Variants in TARS3 observed in about 807,000 individuals in gnomAD.
TARS3 encodes threonyl-tRNA synthetase 3, also known as threonine--tRNA ligase 2, cytoplasmic.
In TARS3, 94 loss-of-function variants were observed where a neutral mutation model predicts 103.5. The observed-to-expected ratio is 0.91, with a 90% confidence interval of 0.77 to 1.08. The LOEUF is 1.08. TARS3 is among the 50% of genes least tolerant of loss of function. TARS3 has a pLI of 0.00. For missense variants in TARS3, 952 were observed against 995.2 expected (o/e 0.96, Z 0.58); for synonymous variants, 416 against 355.4 (o/e 1.17, Z -1.92).
In TARS3 at chr15:101,702,319, A is replaced by G. The variant is rs773999175; in HGVS notation, c.1141T>C (p.Phe381Leu). Reference sequence around the variant, plus strand: ...TCTCTCATCATCTTGTTATCAGGAAAGGATATTCCATAGATCCTCTGCAAT... The same window carrying G: ...TCTCTCATCATCTTGTTATCAGGAAGGGATATTCCATAGATCCTCTGCAAT... The part of the protein sequence containing the change: ...ETLQRIYGIS[F>L]PDNKMMRDWE... Residue 381 changes from phenylalanine to leucine, a missense_variant, in exon 9 of 19, where the codon TTT (phenylalanine) becomes CTT (leucine). By Grantham distance (22) the Phe-to-Leu change is conservative (BLOSUM62 0). Transcript: ENST00000335968. 1 of 1,614,090 alleles carries G rather than the reference A, an allele frequency of 6.2e-7. No individual in the cohort carries two copies. Among genetic ancestry groups the G allele is most frequent in the East Asian group, 2.2e-5 (1 of 44,878 alleles).
chr15:101,702,056 G>C (rs1596316995), intron 9 of TARS3, among the ~76,000 whole-genome samples, 183 bp downstream of exon 9: 1 of 152,220 alleles, frequency 6.6e-6, no homozygotes, highest in South Asian at 2.1e-4. Flanking sequence ...ATACAGGAAG[G>C]AAAGAGGTTA....
rs528589107 is a variant in TARS3 at position 101,671,240 on chromosome 15, C to T, written c.1967+246G>A. 5.8e-4 allele frequency among the ~76,000 whole-genome samples: 89 copies of T among 152,230 alleles called. 1 individual carries two copies. Among genetic ancestry groups the T allele is most frequent in the Non-Finnish European group, 8.8e-5 (6 of 68,020 alleles). On this transcript the variant is annotated intron_variant, in intron 15 of 18. Coordinates refer to ENST00000335968, the MANE Select transcript of TARS3 (RefSeq NM_152334.3). ...CTGTAACTCAGGGAGAGTCAGCAGCCTGGATCATATTTTCATGGAACTTTG... is the reference window on the plus strand; with the variant it reads ...CTGTAACTCAGGGAGAGTCAGCAGCTTGGATCATATTTTCATGGAACTTTG...
chr15:101,657,681 G>A, intron 17 of TARS3, 104 bp downstream of exon 17: 1 of 681,896 alleles, frequency 1.5e-6, no homozygotes, highest in Non-Finnish European at 2.4e-6. Context: ...TTAAGCTAAT[G>A]TGTCAGTTCT....
intron 5 of TARS3, among the ~76,000 whole-genome samples, chr15:101,709,234 T>C (rs1899733571): frequency 6.6e-6 from 1 of 152,232 alleles, no homozygotes; most frequent in South Asian, 2.1e-4. Context: ...GCTTTAGTTT[T>C]GCTCAAGAGC....
chr15:101,701,729 T>C (rs1249113989), intron 9 of TARS3, among the ~76,000 whole-genome samples: 1 of 152,206 alleles, frequency 6.6e-6, no homozygotes, highest in Non-Finnish European at 1.5e-5. Context: ...CACGCTGCTC[T>C]GTCTCCCAGA....
chr15:101,705,986 CAG>C (rs376375814), intron 6 of TARS3, among the ~76,000 whole-genome samples: 2 of 152,198 alleles, frequency 1.3e-5, no homozygotes, highest in Non-Finnish European at 2.9e-5. Context: ...GTTTTTGAGA[CAG>C]AGTCTCACTC....
intron 15 of TARS3, among the ~76,000 whole-genome samples, chr15:101,662,585 G>A (rs1260912357): frequency 6.6e-6 from 1 of 152,168 alleles, no homozygotes; most frequent in Non-Finnish European, 1.5e-5. Flanking sequence ...TTTCTGCTAA[G>A]AGCCATTATA....
Position 101,717,679 on chromosome 15 carries a change from G to A in TARS3, c.567-2716C>T, listed in dbSNP as rs114157854. On this transcript the variant is annotated intron_variant, in intron 3 of 18. Transcript: ENST00000335968. ...ATTCTTTCTGGACCATGTAGACAAC[G>A]GCAACATTGTACCAGACAAATCAGC... 5.4e-3 allele frequency among the ~76,000 whole-genome samples: 821 copies of A among 152,268 alleles called. 11 individuals are homozygous for A. The highest frequency in any genetic ancestry group is 0.019 in the African/African-American group (782 of 41,542).
At chr15:101,695,014 G>A (rs1298861489) in intron 10 of TARS3, among the ~76,000 whole-genome samples, 3 of 152,160 alleles carry the variant, frequency 2.0e-5, no homozygotes, top group African/African-American at 7.2e-5. Flanking sequence ...CATGACAGTT[G>A]CATAATAACA....
intron 12 of TARS3, among the ~76,000 whole-genome samples, chr15:101,677,384 T>C (rs1898071186): frequency 6.6e-6 from 1 of 152,168 alleles, no homozygotes; most frequent in Non-Finnish European, 1.5e-5. Flanking sequence ...ACACTGGAGC[T>C]CCTGGTTCTC....
intron 5 of TARS3, among the ~76,000 whole-genome samples, chr15:101,711,327 CTAAAAA>C (rs1181170800): frequency 1.3e-5 from 2 of 152,158 alleles, no homozygotes; most frequent in African/African-American, 2.4e-5. Context: ...CATTTCTAAA[CTAAAAA>C]TAATTTTCAA....
intron 7 of TARS3, 107 bp downstream of exon 7, chr15:101,705,576 C>T (rs1899514291): frequency 7.0e-6 from 6 of 856,032 alleles, no homozygotes; most frequent in Non-Finnish European, 1.1e-5. Flanking sequence ...AGATTATCAA[C>T]TACACAACTT....
rs760690368 is a variant in TARS3, at chr15:101,721,370, T to G, written c.370-48A>C. The G allele has an allele frequency of 3.6e-5, 53 of 1,462,412 alleles. 1 individual carries two copies. The highest frequency in any genetic ancestry group is 4.9e-5 in the Non-Finnish European group (52 of 1,058,164). The allele number at this position is 1,462,412 out of a possible 1,614,324, so 90.6% of individuals were successfully genotyped here. A position where few individuals can be genotyped will look rare whatever the true frequency, so the allele number is the denominator to read the frequency against. On this transcript the variant is annotated intron_variant, in intron 2 of 18. Coordinates refer to ENST00000335968, the MANE Select transcript of TARS3 (RefSeq NM_152334.3). The stretch of plus-strand genomic sequence containing the variant: ...GAGATTAATATATACAGCCTACTGT[T>G]TTCCAGCTGCTCAGCTCTGAATCAG...
intron 2 of TARS3, among the ~76,000 whole-genome samples, chr15:101,722,508 TA>T (rs2141462970): frequency 7.8e-6 from 1 of 127,622 alleles, no homozygotes; most frequent in South Asian, 2.6e-4. Context: ...GTTTCTCGAA[TA>T]CAAAAAAAAA....
At chr15:101,698,388 A>C (rs1317640859) in intron 10 of TARS3, among the ~76,000 whole-genome samples, 1 of 151,994 alleles carries the variant, frequency 6.6e-6, no homozygotes, top group African/African-American at 2.4e-5. Flanking sequence ...TTTAAAAAAG[A>C]AAGCTACCCT....
chr15:101,654,334 C>A lies in TARS3; in HGVS notation c.*248G>T. The A allele has an allele frequency of 2.6e-6, 1 of 388,128 alleles. No individual in the cohort carries two copies. The highest frequency in any genetic ancestry group is 4.5e-6 in the Non-Finnish European group (1 of 221,470). The allele number at this position is 388,128 out of a possible 1,614,324, so 24.0% of individuals were successfully genotyped here. A position where few individuals can be genotyped will look rare whatever the true frequency, so the allele number is the denominator to read the frequency against. ...TTCACTTTCTCGATGAATAATATTT[C>A]CCCATTTAAGTTTCTCAAGGCATTG... On this transcript the variant is annotated 3_prime_UTR_variant, in exon 19 of 19. Transcript: ENST00000335968.
intron 16 of TARS3, 32 bp downstream of exon 16, chr15:101,661,680 G>A (rs754644015): frequency 2.9e-5 from 36 of 1,241,084 alleles, no homozygotes; most frequent in Middle Eastern, 2.6e-4. Context: ...AAGAATAATA[G>A]ACATATAGTT....
intron 10 of TARS3, among the ~76,000 whole-genome samples, chr15:101,698,860 A>T (rs1017870003): frequency 6.6e-6 from 1 of 152,226 alleles, no homozygotes; most frequent in African/African-American, 2.4e-5. Context: ...ACTTTGGAAG[A>T]GTAGAATGGA....
At chr15:101,658,476 G>A (rs564746566) in intron 16 of TARS3, among the ~76,000 whole-genome samples, 36 of 152,242 alleles carry the variant, frequency 2.4e-4, no homozygotes, top group African/African-American at 7.7e-4. Flanking sequence ...CAAAATGATG[G>A]AGCTAGAGAA....
Sources: gnomAD v4.1 joint callset for allele counts (sites outside exome capture counted in the v4.1 genomes callset) on GRCh38, gnomAD v4.1.1 for gene constraint, MANE v1.5 for transcripts, NCBI Gene and HGNC (gene_info 2026-07-23, HGNC 2026-07-21) for gene names.